The following KIRREL3 variants were observed in gnomAD, a reference collection of about 807,000 sequenced individuals.
KIRREL3 encodes the protein kirre like nephrin family adhesion molecule 3, also known as kin of IRRE-like protein 3.
A neutral mutation model predicts 89.7 loss-of-function variants in KIRREL3; 36 were observed. The observed-to-expected ratio is 0.40, with a 90% confidence interval of 0.31 to 0.53. The LOEUF is 0.53. KIRREL3 is among the 20% of genes least tolerant of loss of function. The pLI, the probability that KIRREL3 is intolerant of heterozygous loss-of-function variation, is 0.49. For missense variants in KIRREL3, 864 were observed against 1,056.6 expected, an observed-to-expected ratio of 0.82 and a Z score of 2.53; for synonymous variants, 445 against 441.4, an observed-to-expected ratio of 1.01 and a Z score of -0.10.
intron 1 of KIRREL3, among the ~76,000 whole-genome samples, chr11:126,821,991 G>T (rs1943242492): frequency 6.6e-6 from 1 of 152,188 alleles, no homozygotes; most frequent in Admixed American, 6.5e-5. Context: ...GAACTGTGAA[G>T]ATAGTTAATT....
At chr11:126,632,958 G>A (rs1364312452) in intron 1 of KIRREL3, among the ~76,000 whole-genome samples, 1 of 151,718 alleles carries the variant, frequency 6.6e-6, no homozygotes, top group Admixed American at 6.6e-5. Context: ...CTGGTGTGGT[G>A]GTGCACGCCT....
rs779929421 is a variant in KIRREL3 at position 126,807,305 on chromosome 11, C to G, written c.55+193150G>C. 5.3e-5 allele frequency among the ~76,000 whole-genome samples: 8 copies of G among 152,154 alleles called. No homozygotes were observed. Among genetic ancestry groups the G allele is most frequent in the Non-Finnish European group, 1.2e-4 (8 of 68,028 alleles). ...TGGAGCACAGGAAATTGCCAGGTCACTAAGGTGAATTATGGGCACATTTCC... is the reference window on the plus strand; with the variant it reads ...TGGAGCACAGGAAATTGCCAGGTCAGTAAGGTGAATTATGGGCACATTTCC... On this transcript the variant is annotated intron_variant, in intron 1 of 16. Coordinates refer to ENST00000525144, the MANE Select transcript of KIRREL3 (RefSeq NM_032531.4). The surrounding 1 kb of genome is among the most constrained non-coding windows in gnomAD (Gnocchi z 4.3).
chr11:126,572,493 G>A (rs956356863), intron 1 of KIRREL3, among the ~76,000 whole-genome samples: 1 of 152,178 alleles, frequency 6.6e-6, no homozygotes, highest in African/African-American at 2.4e-5. Context: ...CAGGCTTGCT[G>A]TGCCCTTCTT....
rs1437059798 is a variant in KIRREL3 at position 126,627,067 on chromosome 11, G to T, written c.56-64155C>A. Among the ~76,000 whole-genome samples, 3 of 152,038 alleles carry T rather than the reference G, an allele frequency of 2.0e-5. No individual in the cohort carries two copies. The highest frequency in any genetic ancestry group is 6.6e-5 in the Admixed American group (1 of 15,262). ...TGAAGCCTCAAAGGAAGGTGTGTGT[G>T]CATGCATGTGTGTGTATGTGTGTGT... On this transcript the variant is annotated intron_variant, in intron 1 of 16. Transcript: ENST00000525144. The surrounding 1 kb of genome is among the most constrained non-coding windows in gnomAD (Gnocchi z 5.0).
At position 126,522,737 on chromosome 11, in the gene KIRREL3, C is replaced by T. The variant is rs929919878; in HGVS notation, c.284-1273G>A. ...CTCCTCACTGAGGTCTGCCCTCCCC[C>T]GAGTCCCTCAGTGTGTGGATTTACA... On this transcript the variant is annotated intron_variant, in intron 3 of 16. Transcript: ENST00000525144. The surrounding 1 kb of genome is among the most constrained non-coding windows in gnomAD (Gnocchi z 6.0). Among the ~76,000 whole-genome samples, 16 of 152,270 alleles carry T rather than the reference C, an allele frequency of 1.1e-4. No homozygotes were observed. Among genetic ancestry groups the T allele is most frequent in the Admixed American group, 5.9e-4 (9 of 15,300 alleles).
chr11:126,911,440 C>A (rs920699032), intron 1 of KIRREL3, among the ~76,000 whole-genome samples: 1 of 152,176 alleles, frequency 6.6e-6, no homozygotes, highest in Non-Finnish European at 1.5e-5. Flanking sequence ...GCTGCAGAGA[C>A]AGAGCAGGAC....
intron 2 of KIRREL3, among the ~76,000 whole-genome samples, chr11:126,559,413 G>A (rs1413764372): frequency 1.3e-5 from 2 of 152,218 alleles, no homozygotes; most frequent in African/African-American, 4.8e-5. Flanking sequence ...GGAGAGGAAG[G>A]AACAGGAGTC....
At position 126,486,957 on chromosome 11, in the gene KIRREL3, C is replaced by A. The variant is rs371676337; in HGVS notation, c.434-13491G>T. The stretch of plus-strand genomic sequence containing the variant: ...TTGGTTTTGCTATGGGCTCCCCATC[C>A]GGTAAATCCACCTCCTCAACGAGCC... On this transcript the variant is annotated intron_variant, in intron 4 of 16. Transcript: ENST00000525144. This position sits in a 1 kb window ranked among gnomAD's most constrained non-coding sequence, Gnocchi z 6.2. 1.3e-5 allele frequency among the ~76,000 whole-genome samples: 2 copies of A among 152,136 alleles called. No individual in the cohort carries two copies. Among genetic ancestry groups the A allele is most frequent in the African/African-American group, 2.4e-5 (1 of 41,410 alleles).
At position 126,955,758 on chromosome 11, in the gene KIRREL3, G is replaced by C; in HGVS notation, c.55+44697C>G. Among the ~76,000 whole-genome samples, 1 of 152,180 alleles carries C rather than the reference G, an allele frequency of 6.6e-6. No homozygotes were observed. Among genetic ancestry groups the C allele is most frequent in the East Asian group, 1.9e-4 (1 of 5,202 alleles). On this transcript the variant is annotated intron_variant, in intron 1 of 16. Transcript: ENST00000525144. The surrounding 1 kb of genome is among the most constrained non-coding windows in gnomAD (Gnocchi z 4.6). ...GGATCTAAAAACGAACATGATGCTC[G>C]TCCTCAGAAAGCTTAGCTCTAGTGA...
chr11:126,804,508 G>C (rs1428797992), intron 1 of KIRREL3, among the ~76,000 whole-genome samples: 1 of 152,168 alleles, frequency 6.6e-6, no homozygotes, highest in African/African-American at 2.4e-5. Flanking sequence ...TTAGACTCTT[G>C]TGGGAAGATG....
At chr11:126,554,725 CA>C (rs1939571258) in intron 2 of KIRREL3, among the ~76,000 whole-genome samples, 1 of 152,262 alleles carries the variant, frequency 6.6e-6, no homozygotes, top group South Asian at 2.1e-4. Flanking sequence ...ACTGGGCTCC[CA>C]GCTAAACCCC....
At chr11:126,450,886 C>T (rs920839186) in intron 7 of KIRREL3, among the ~76,000 whole-genome samples, 34 of 126,794 alleles carry the variant, frequency 2.7e-4, no homozygotes, top group Non-Finnish European at 5.5e-4. Flanking sequence ...TGCATGTGTG[C>T]ATGTGCGTGT....
At chr11:126,927,028 G>A (rs1045483672) in intron 1 of KIRREL3, among the ~76,000 whole-genome samples, 4 of 152,162 alleles carry the variant, frequency 2.6e-5, no homozygotes, top group African/African-American at 7.2e-5. Context: ...ATTGGCAATC[G>A]AGCTGAGATT....
intron 12 of KIRREL3, among the ~76,000 whole-genome samples, chr11:126,436,474 G>C (rs887626318): frequency 1.1e-4 from 16 of 152,258 alleles, no homozygotes; most frequent in African/African-American, 3.9e-4. Flanking sequence ...GGGCACAGAA[G>C]CCAGGGCCTC....
At chr11:126,959,661 C>T (rs763722322) in intron 1 of KIRREL3, among the ~76,000 whole-genome samples, 5 of 152,162 alleles carry the variant, frequency 3.3e-5, no homozygotes, top group African/African-American at 7.2e-5. Context: ...CAATGTTCTC[C>T]CGAATCAGCC....
At chr11:126,835,772 C>G (rs1943760916) in intron 1 of KIRREL3, among the ~76,000 whole-genome samples, 1 of 152,198 alleles carries the variant, frequency 6.6e-6, no homozygotes, top group Non-Finnish European at 1.5e-5. Context: ...GCTAGTGTCT[C>G]TAGTGCCTTC....
chr11:126,866,452 G>A (rs1944921680), intron 1 of KIRREL3, among the ~76,000 whole-genome samples: 1 of 152,172 alleles, frequency 6.6e-6, no homozygotes, highest in African/African-American at 2.4e-5. Context: ...CTTTTCCCCA[G>A]GCAAATGGAA....
chr11:126,932,022 T>C (rs1198595167), intron 1 of KIRREL3, among the ~76,000 whole-genome samples: 4 of 152,200 alleles, frequency 2.6e-5, no homozygotes, highest in African/African-American at 7.2e-5. Context: ...TTGGTATTGA[T>C]TTTGAAATCC....
chr11:126,618,671 G>C (rs1311460479), intron 1 of KIRREL3, among the ~76,000 whole-genome samples: 1 of 152,230 alleles, frequency 6.6e-6, no homozygotes, highest in Non-Finnish European at 1.5e-5. Context: ...CTGACCTCAG[G>C]TGATCCACCT....
Sources: gnomAD v4.1 joint callset for allele counts (sites outside exome capture counted in the v4.1 genomes callset) on GRCh38, gnomAD v4.1.1 for gene constraint, Gnocchi (gnomAD v3.1) non-coding constraint, MANE v1.5 for transcripts, NCBI Gene and HGNC (gene_info 2026-07-23, HGNC 2026-07-21) for gene names.